Variants in PARVA observed in about 807,000 individuals in gnomAD.
PARVA encodes parvin alpha, also known as alpha-parvin.
In PARVA, 25 loss-of-function variants were observed where a neutral mutation model predicts 52.6. That is an observed-to-expected ratio of 0.48 (90% confidence interval 0.35 to 0.66). The LOEUF (loss-of-function observed/expected upper bound fraction) is 0.66, where lower values mean the gene tolerates loss of function less well. Among genes scored for constraint, PARVA ranks in the 30% least tolerant of loss-of-function variants. The pLI, the probability that PARVA is intolerant of heterozygous loss-of-function variation, is 0.01. For missense variants in PARVA, 373 were observed against 450.9 expected, an observed-to-expected ratio of 0.83 and a Z score of 1.56; for synonymous variants, 185 against 179.1, an observed-to-expected ratio of 1.03 and a Z score of -0.26.
chr11:12,407,945 C>T (rs186001429), intron 1 of PARVA, among the ~76,000 whole-genome samples: 6 of 152,366 alleles, frequency 3.9e-5, no homozygotes, highest in South Asian at 2.1e-4. Flanking sequence ...CAGGAACCTG[C>T]GATGAGTCCC....
intron 12 of PARVA, among the ~76,000 whole-genome samples, chr11:12,525,231 T>C (rs940605861): frequency 6.6e-6 from 1 of 152,178 alleles, no homozygotes; most frequent in Non-Finnish European, 1.5e-5. Flanking sequence ...AATAGTTGTA[T>C]GGCCATACAA....
chr11:12,434,461 C>T (rs954784523), intron 1 of PARVA, among the ~76,000 whole-genome samples: 3 of 152,180 alleles, frequency 2.0e-5, no homozygotes, highest in Non-Finnish European at 2.9e-5. Flanking sequence ...TTAACAGCCT[C>T]CCTCCTGACC....
intron 1 of PARVA, among the ~76,000 whole-genome samples, chr11:12,387,767 G>A (rs1334503413): frequency 6.6e-6 from 1 of 151,422 alleles, no homozygotes; most frequent in Non-Finnish European, 1.5e-5. Flanking sequence ...TTGGGGTGGG[G>A]GTGGGGGTGC....
intron 6 of PARVA, among the ~76,000 whole-genome samples, chr11:12,505,142 A>G (rs1005851196): frequency 1.3e-5 from 2 of 152,148 alleles, no homozygotes; most frequent in African/African-American, 2.4e-5. Context: ...CCCAAATTCA[A>G]TTTTATTTTC....
At position 12,389,327 on chromosome 11, in the gene PARVA, G is replaced by A. The variant is rs534380340; in HGVS notation, c.136+11544G>A. Among the ~76,000 whole-genome samples, 7 of 152,230 alleles carry A rather than the reference G, an allele frequency of 4.6e-5. No individual in the cohort carries two copies. The South Asian group carries it at 1.5e-3, about 32-fold the overall frequency. On this transcript the variant is annotated intron_variant, in intron 1 of 12. Coordinates refer to ENST00000334956, the MANE Select transcript of PARVA (RefSeq NM_018222.5). ...GAGCCCAGAGCGTGGCTGCCCTGGG[G>A]ACTGCCATCCTTGAAGCTGTCTGAG...
At chr11:12,520,421 G>T (rs954255358) in intron 12 of PARVA, among the ~76,000 whole-genome samples, 1 of 152,186 alleles carries the variant, frequency 6.6e-6, no homozygotes, top group Non-Finnish European at 1.5e-5. Flanking sequence ...ATTCTTTGAG[G>T]GCATTTCAAA....
chr11:12,430,793 C>T (rs1473001927), intron 1 of PARVA, among the ~76,000 whole-genome samples: 1 of 152,182 alleles, frequency 6.6e-6, no homozygotes, highest in Non-Finnish European at 1.5e-5. Context: ...CTAAAGTGTT[C>T]AAAAGTTCCC....
At chr11:12,478,376 TTG>T (rs138059535) in intron 4 of PARVA, 181 of 316,624 alleles carry the variant, frequency 5.7e-4, no homozygotes, top group Middle Eastern at 1.1e-3. Context: ...ATCTGTGGAC[TTG>T]TGTGTGTGTG....
chr11:12,468,784 G>T (rs1037976501), intron 1 of PARVA, among the ~76,000 whole-genome samples: 1 of 152,194 alleles, frequency 6.6e-6, no homozygotes, highest in Non-Finnish European at 1.5e-5. Context: ...CAAAATGGCT[G>T]CAACAAATCC....
At chr11:12,439,378 A>G (rs986538508) in intron 1 of PARVA, among the ~76,000 whole-genome samples, 3 of 152,184 alleles carry the variant, frequency 2.0e-5, no homozygotes, top group Non-Finnish European at 2.9e-5. Context: ...CTGACCTTCC[A>G]TTACCTCCTG....
chr11:12,528,353 G>A lies in PARVA; in HGVS notation c.*428G>A, dbSNP rs61139571. On this transcript the variant is annotated 3_prime_UTR_variant, in exon 13 of 13. Transcript: ENST00000334956. ...ATTAATCTTCAGGACTCCCATTGAC[G>A]TAGGTGTTTCATTCCCCTTTTACAG... The A allele has an allele frequency of 0.01, 1,721 of 164,940 alleles. 30 individuals carry two copies. The highest frequency in any genetic ancestry group is 0.038 in the African/African-American group (1,611 of 42,186). The allele number at this position is 164,940 out of a possible 1,614,324, so 10.2% of individuals were successfully genotyped here.
At chr11:12,419,286 C>G (rs904293007) in intron 1 of PARVA, among the ~76,000 whole-genome samples, 44 of 152,064 alleles carry the variant, frequency 2.9e-4, no homozygotes, top group African/African-American at 1.0e-3. Flanking sequence ...TCCCCACCCC[C>G]CAGGCCCCAG....
intron 4 of PARVA, among the ~76,000 whole-genome samples, chr11:12,489,668 A>C (rs958626463): frequency 6.6e-6 from 1 of 151,520 alleles, no homozygotes; most frequent in African/African-American, 2.4e-5. Flanking sequence ...AGTAGTGACA[A>C]ATCTACACCT....
At position 12,508,608 on chromosome 11, in the gene PARVA, C is replaced by T. The variant is rs149031199; in HGVS notation, c.682C>T (p.Arg228Trp). 9 of 1,609,628 alleles carry T rather than the reference C, an allele frequency of 5.6e-6. No individual in the cohort carries two copies. In the East Asian group the frequency reaches 6.7e-5, roughly 12 times the overall value. Residue 228 changes from arginine (R) to tryptophan (W), a missense_variant, in exon 7 of 13, where the codon CGG becomes TGG. Physicochemically the swap from Arg to Trp is moderately radical, Grantham distance 101 (BLOSUM62 -3). Transcript: ENST00000334956. ...VQKREGILQS[R>W]QIQEEITGNT... is the part of the protein sequence containing the mutation. Reference sequence around the variant, plus strand: ...GAAACGAGAAGGAATCCTCCAGTCTCGGCAAATCCAAGAGGAAATAACTGG... The same window carrying T: ...GAAACGAGAAGGAATCCTCCAGTCTTGGCAAATCCAAGAGGAAATAACTGG...
intron 1 of PARVA, among the ~76,000 whole-genome samples, chr11:12,392,588 A>C (rs943467230): frequency 6.6e-6 from 1 of 152,174 alleles, no homozygotes; most frequent in African/African-American, 2.4e-5. Context: ...ATGACTAAAA[A>C]TATTATTTGA....
chr11:12,460,505 C>T (rs1011683001), intron 1 of PARVA, among the ~76,000 whole-genome samples: 17 of 152,154 alleles, frequency 1.1e-4, no homozygotes, highest in African/African-American at 3.1e-4. Flanking sequence ...TCATCATCAT[C>T]GATGACAGGA....
chr11:12,512,924 T>C (rs79522426), intron 8 of PARVA, among the ~76,000 whole-genome samples: 6,239 of 152,218 alleles, frequency 0.041, 429 homozygotes, highest in African/African-American at 0.14. Flanking sequence ...GGGGTGAAAT[T>C]ATTTAATATT....
chr11:12,459,282 A>G (rs569952333), intron 1 of PARVA, among the ~76,000 whole-genome samples: 6 of 152,204 alleles, frequency 3.9e-5, no homozygotes, highest in Admixed American at 2.6e-4. Flanking sequence ...GAATATGCCT[A>G]TAGTCCCAGC....
chr11:12,490,516 C>CAAA (rs34904579), intron 4 of PARVA, among the ~76,000 whole-genome samples: 2 of 108,672 alleles, frequency 1.8e-5, no homozygotes. Context: ...GACTATGTCT[C>CAAA]AAAAAAAAAA....
Sources: gnomAD v4.1 joint callset for allele counts (sites outside exome capture counted in the v4.1 genomes callset) on GRCh38, gnomAD v4.1.1 for gene constraint, MANE v1.5 for transcripts, NCBI Gene and HGNC (gene_info 2026-07-23, HGNC 2026-07-21) for gene names.